Variants in NLGN1 observed in about 807,000 individuals in gnomAD.
NLGN1 encodes the protein neuroligin-1.
NLGN1 carries 12 observed loss-of-function variants against 65.5 expected under a neutral mutation model. That is an observed-to-expected ratio of 0.18 (90% CI 0.12 to 0.30). NLGN1 has a LOEUF of 0.30. Among genes scored for constraint, NLGN1 ranks in the 10% least tolerant of loss-of-function variants. NLGN1 has a pLI of 1.00. For missense variants in NLGN1, 750 were observed against 1,007.1 expected (o/e 0.74, Z 3.46); for synonymous variants, 350 against 359.5 (o/e 0.97, Z 0.30).
chr3:174,281,465 T>G, exon 7 of NLGN1: 1 of 547,104 alleles, frequency 1.8e-6, no homozygotes, highest in South Asian at 3.1e-5. Context: ...ATGAATTGTA[T>G]ATATACAAAT....
At chr3:173,428,554 A>T (rs538883938) in intron 1 of NLGN1, among the ~76,000 whole-genome samples, 2 of 152,066 alleles carry the variant, frequency 1.3e-5, no homozygotes, top group South Asian at 4.1e-4. Flanking sequence ...AAATGATTCA[A>T]TTTCCCCACA....
chr3:173,544,247 A>G lies in NLGN1; in HGVS notation c.-320-60032A>G, dbSNP rs1179646899. Among the ~76,000 whole-genome samples the G allele has an allele frequency of 4.5e-5, 6 of 133,716 alleles. No homozygotes were observed. The East Asian group carries it at 1.4e-3, about 31-fold the overall frequency. The allele number at this position is 133,716 out of a possible 152,430, so 87.7% of individuals were successfully genotyped here. A position where few individuals can be genotyped will look rare whatever the true frequency, so the allele number is the denominator to read the frequency against. On this transcript the variant is annotated intron_variant, in intron 2 of 6. Transcript: ENST00000457714. ...ATTTAATTTTAAGTAGTAAAGTACC[A>G]AGATTATATTACGTGTGTGTGTGTG...
intron 2 of NLGN1, among the ~76,000 whole-genome samples, chr3:173,563,550 A>C (rs1338351941): frequency 4.6e-5 from 7 of 152,222 alleles, no homozygotes; most frequent in African/African-American, 7.2e-5. Context: ...CAGCATTACC[A>C]GGACTCCTGA....
At chr3:174,145,519 A>G (rs1723052291) in intron 4 of NLGN1, among the ~76,000 whole-genome samples, 1 of 151,914 alleles carries the variant, frequency 6.6e-6, no homozygotes, top group Non-Finnish European at 1.5e-5. Context: ...CTCAAAAAAA[A>G]GAAAAAGAAA....
At chr3:174,040,814 A>T (rs182612463) in intron 4 of NLGN1, among the ~76,000 whole-genome samples, 1 of 152,208 alleles carries the variant, frequency 6.6e-6, no homozygotes, top group East Asian at 1.9e-4. Flanking sequence ...TATCACCTAG[A>T]TTCTATCATT....
rs138765763 is a variant in NLGN1, at chr3:174,232,164, G to A, written c.647-43151G>A. On this transcript the variant is annotated intron_variant, in intron 4 of 6. Coordinates refer to ENST00000457714, the Ensembl canonical transcript of NLGN1. ...AGGTAGGGATGGGGCCGTTTTATAG[G>A]ATTTGGGTAGGCAAAGGAAAATTAC... Among the ~76,000 whole-genome samples the A allele has an allele frequency of 3.7e-3, 570 of 152,242 alleles. 2 individuals carry two copies. The highest frequency in any genetic ancestry group is 3.7e-3 in the Non-Finnish European group (249 of 68,020).
chr3:173,523,505 A>G (rs1640065464), intron 2 of NLGN1, among the ~76,000 whole-genome samples: 1 of 151,746 alleles, frequency 6.6e-6, no homozygotes, highest in Admixed American at 6.6e-5. Flanking sequence ...CATTTGTTGA[A>G]TAAGATATCC....
chr3:173,495,575 T>A (rs1312559293), intron 2 of NLGN1, among the ~76,000 whole-genome samples: 1 of 151,064 alleles, frequency 6.6e-6, no homozygotes, highest in African/African-American at 2.4e-5. Flanking sequence ...GAGAATTACA[T>A]TCAATATTTG....
At chr3:174,203,021 T>C (rs1734768353) in intron 4 of NLGN1, among the ~76,000 whole-genome samples, 1 of 152,202 alleles carries the variant, frequency 6.6e-6, no homozygotes, top group Non-Finnish European at 1.5e-5. Flanking sequence ...TATTTATTTA[T>C]TTTGAGGGTA....
At chr3:173,788,972 C>A (rs1284260075) in intron 3 of NLGN1, among the ~76,000 whole-genome samples, 1 of 151,046 alleles carries the variant, frequency 6.6e-6, no homozygotes, top group African/African-American at 2.4e-5. Flanking sequence ...CTGAGGTAGG[C>A]AGATCACGAG....
At chr3:173,831,923 T>C (rs144059046) in intron 4 of NLGN1, among the ~76,000 whole-genome samples, 1 of 151,312 alleles carries the variant, frequency 6.6e-6, no homozygotes, top group Non-Finnish European at 1.5e-5. Flanking sequence ...TTTATAATTA[T>C]TATTTTTCAT....
At chr3:174,047,078 T>A (rs1343253363) in intron 4 of NLGN1, among the ~76,000 whole-genome samples, 1 of 151,982 alleles carries the variant, frequency 6.6e-6, no homozygotes, top group East Asian at 1.9e-4. Flanking sequence ...TTCTCTGCCT[T>A]AAGTTGCTAT....
intron 3 of NLGN1, among the ~76,000 whole-genome samples, chr3:173,682,642 A>G (rs893961892): frequency 6.6e-6 from 1 of 151,094 alleles, no homozygotes; most frequent in African/African-American, 2.4e-5. Flanking sequence ...ATGATTTTCC[A>G]TACCTAAGAA....
In NLGN1 at chr3:173,708,120, A is replaced by C. The variant is rs562000782; in HGVS notation, c.494-99560A>C. Among the ~76,000 whole-genome samples the C allele has an allele frequency of 5.5e-4, 84 of 152,346 alleles. 1 individual carries two copies. In the Middle Eastern group the frequency reaches 0.01, roughly 19 times the overall value. ...TTTTGCATTGAGGCCAAGAGTTCTAATCATATATAGTCCTGCCCCTAACGT... is the reference window on the plus strand; with the variant it reads ...TTTTGCATTGAGGCCAAGAGTTCTACTCATATATAGTCCTGCCCCTAACGT... On this transcript the variant is annotated intron_variant, in intron 3 of 6. Transcript: ENST00000457714.
chr3:173,888,609 A>T (rs1446389822), intron 4 of NLGN1, among the ~76,000 whole-genome samples: 1 of 152,052 alleles, frequency 6.6e-6, no homozygotes. Context: ...TTTTTGTGTT[A>T]TGTTCATATT....
chr3:173,501,852 C>G (rs1731186660), intron 2 of NLGN1, among the ~76,000 whole-genome samples: 1 of 151,826 alleles, frequency 6.6e-6, no homozygotes, highest in African/African-American at 2.4e-5. Context: ...AAATGCTGAA[C>G]AATTATTTAA....
chr3:174,175,306 G>A (rs369967388), intron 4 of NLGN1, among the ~76,000 whole-genome samples: 1 of 151,756 alleles, frequency 6.6e-6, no homozygotes, highest in East Asian at 1.9e-4. Flanking sequence ...TTATATATCT[G>A]AGTGTTCCAG....
At chr3:174,061,270 A>T (rs1365302543) in intron 4 of NLGN1, among the ~76,000 whole-genome samples, 1 of 152,122 alleles carries the variant, frequency 6.6e-6, no homozygotes, top group Non-Finnish European at 1.5e-5. Context: ...TATTGATGCT[A>T]TGGGGTTTTC....
At position 173,947,620 on chromosome 3, in the gene NLGN1, C is replaced by T. The variant is rs576294173; in HGVS notation, c.646+139788C>T. The stretch of plus-strand genomic sequence containing the variant: ...ATGAAAAATAATTTTATCAAAACAT[C>T]TTCAAATCATCAACATTAAATTCCT... On this transcript the variant is annotated intron_variant, in intron 4 of 6. Transcript: ENST00000457714. 8.5e-4 allele frequency among the ~76,000 whole-genome samples: 129 copies of T among 152,204 alleles called. 3 individuals are homozygous for T. The South Asian group carries it at 0.022, about 26-fold the overall frequency.
Sources: allele counts gnomAD v4.1 joint callset (sites outside exome capture counted in the v4.1 genomes callset), GRCh38; gene constraint gnomAD v4.1.1; transcripts MANE v1.5; gene names NCBI Gene and HGNC (gene_info 2026-07-23, HGNC 2026-07-21).